DNAH3: variants seen among roughly 807,000 people sequenced by gnomAD.
DNAH3 encodes axonemal beta dynein heavy chain 3.
A neutral mutation model predicts 432.5 loss-of-function variants in DNAH3; 332 were observed. The ratio of observed to expected loss-of-function variants is 0.77; its 90% CI spans 0.70 to 0.84. DNAH3 has a LOEUF of 0.84. Ranked by LOEUF, DNAH3 falls within the 40% of genes least tolerant of loss-of-function variation. The pLI is 0.00. For synonymous variants in DNAH3, 1,956 were observed against 1,900.2 expected (o/e 1.03, Z -0.76); for missense variants, 4,861 against 5,114.0 (o/e 0.95, Z 1.51).
At chr16:21,157,476 C>G (rs1294741138) in intron 1 of DNAH3, among the ~76,000 whole-genome samples, 5 of 151,556 alleles carry the variant, frequency 3.3e-5, no homozygotes, top group Admixed American at 1.3e-4. Context: ...ATTACAGGTG[C>G]GCACCACCAT....
At chr16:21,156,979 A>C (rs938458891) in intron 1 of DNAH3, among the ~76,000 whole-genome samples, 2 of 143,424 alleles carry the variant, frequency 1.4e-5, no homozygotes, top group Admixed American at 7.4e-5. Flanking sequence ...GATGATTGGA[A>C]GGCTGTAATC....
chr16:21,036,897 T>C (rs1403357305), intron 34 of DNAH3, 49 bp from the exon 35 acceptor site: 15 of 1,472,704 alleles, frequency 1.0e-5, no homozygotes, highest in Non-Finnish European at 1.2e-5. Context: ...GTATCAGATA[T>C]ATGACCTCAA....
At chr16:20,968,036 G>A (rs1044826884) in intron 52 of DNAH3, among the ~76,000 whole-genome samples, 1 of 152,160 alleles carries the variant, frequency 6.6e-6, no homozygotes, top group African/African-American at 2.4e-5. Flanking sequence ...GCTAAGCAAT[G>A]GGAAGCAGGA....
At chr16:21,103,561 C>T (rs2091886741) in intron 16 of DNAH3, among the ~76,000 whole-genome samples, 1 of 152,170 alleles carries the variant, frequency 6.6e-6, no homozygotes, top group South Asian at 2.1e-4. Flanking sequence ...CACAAACACA[C>T]ACACACAAAT....
intron 1 of DNAH3, among the ~76,000 whole-genome samples, chr16:21,155,463 A>T (rs1294795793): frequency 6.6e-6 from 1 of 151,816 alleles, no homozygotes; most frequent in African/African-American, 2.4e-5. Context: ...CTCTACTAAA[A>T]ATACAAAAAT....
intron 37 of DNAH3, among the ~76,000 whole-genome samples, chr16:21,028,689 T>G (rs2088706561): frequency 6.6e-6 from 1 of 151,840 alleles, no homozygotes; most frequent in Admixed American, 6.6e-5. Flanking sequence ...CATCAGAATT[T>G]CTAGTGTGTA....
chr16:21,143,158 A>G (rs184627531), intron 3 of DNAH3, among the ~76,000 whole-genome samples: 1 of 152,206 alleles, frequency 6.6e-6, no homozygotes, highest in Admixed American at 6.5e-5. Flanking sequence ...CAATAGCACT[A>G]GTTCTTCACA....
chr16:20,995,239 C>T (rs180757790), intron 44 of DNAH3, among the ~76,000 whole-genome samples: 62 of 151,990 alleles, frequency 4.1e-4, no homozygotes, highest in African/African-American at 1.3e-3. Context: ...AGCCAGAGCC[C>T]GGCCTTTTCT....
At chr16:21,025,320 TCTTA>T (rs912764822) in intron 38 of DNAH3, among the ~76,000 whole-genome samples, 3 of 149,460 alleles carry the variant, frequency 2.0e-5, no homozygotes, top group Non-Finnish European at 4.4e-5. Flanking sequence ...AATATTTTGA[TCTTA>T]CTTTTATTAT....
At chr16:21,125,284 C>A in exon 9 of DNAH3, 1 of 1,613,708 alleles carries the variant, frequency 6.2e-7, no homozygotes, top group Non-Finnish European at 8.5e-7. Context: ...CTCAATGTTT[C>A]GACTTGAGTC....
chr16:21,058,320 G>C, intron 26 of DNAH3, 124 bp from the exon 27 acceptor site: 1 of 553,144 alleles, frequency 1.8e-6, no homozygotes, highest in Non-Finnish European at 3.3e-6. Flanking sequence ...ATCCTCAGAC[G>C]CTACAAGGCT....
intron 1 of DNAH3, among the ~76,000 whole-genome samples, chr16:21,152,633 G>A (rs998664221): frequency 6.6e-6 from 1 of 152,254 alleles, no homozygotes; most frequent in Non-Finnish European, 1.5e-5. Flanking sequence ...TGCGCACGGC[G>A]CTTGCGGGCC....
rs774028697 is a variant in DNAH3 at position 20,975,454 on chromosome 16, C to T, written c.8077-39G>A. 1.4e-5 allele frequency: 22 copies of T among 1,582,010 alleles called. No homozygotes were observed. The Admixed American group carries it at 2.0e-4, about 14-fold the overall frequency. On this transcript the variant is annotated intron_variant, in intron 50 of 61. Coordinates refer to ENST00000261383, the Ensembl canonical transcript of DNAH3. The stretch of plus-strand genomic sequence containing the variant: ...AGGTGGGAGAAATCCAGGGTCAGCA[C>T]TGAAAATGGCAAAGTAGACAAGAAT...
At chr16:20,980,315 TTATAATATATAC>T (rs2085832772) in intron 49 of DNAH3, among the ~76,000 whole-genome samples, 1 of 134,802 alleles carries the variant, frequency 7.4e-6, no homozygotes, top group Non-Finnish European at 1.6e-5. Context: ...ATATTATATA[TTATAATATATAC>T]TATATTATAT....
chr16:21,134,773 G>T (rs546264499), intron 6 of DNAH3, among the ~76,000 whole-genome samples: 4 of 152,106 alleles, frequency 2.6e-5, no homozygotes, highest in Non-Finnish European at 5.9e-5. Context: ...CTCCACCTCC[G>T]CCTCCTAGGT....
chr16:20,985,727 G>C lies in DNAH3; in HGVS notation c.7027-12C>G. The C allele has an allele frequency of 6.2e-7, 1 of 1,607,506 alleles. No homozygotes were observed. Among genetic ancestry groups the C allele is most frequent in the Non-Finnish European group, 8.5e-7 (1 of 1,175,524 alleles). On this transcript the variant is annotated splice_polypyrimidine_tract_variant and intron_variant, in intron 47 of 61. Coordinates refer to ENST00000261383, the Ensembl canonical transcript of DNAH3. ...AAGTGGATAAGCACCTGTAAGAAAA[G>C]TAAATCTCGGCGGGGCATTCAGTGA...
chr16:21,068,623 A>G (rs1315761569), intron 23 of DNAH3, among the ~76,000 whole-genome samples: 1 of 152,194 alleles, frequency 6.6e-6, no homozygotes, highest in Non-Finnish European at 1.5e-5. Context: ...CCAAGGCAGC[A>G]AATTCTATGA....
chr16:21,062,091 T>C (rs2090379643), intron 25 of DNAH3, among the ~76,000 whole-genome samples: 1 of 152,214 alleles, frequency 6.6e-6, no homozygotes, highest in Non-Finnish European at 1.5e-5. Context: ...ATAGCTCTCA[T>C]TGATTCTATG....
intron 49 of DNAH3, among the ~76,000 whole-genome samples, chr16:20,981,324 C>G (rs954365471): frequency 5.3e-5 from 8 of 152,158 alleles, no homozygotes; most frequent in African/African-American, 1.9e-4. Flanking sequence ...CACGTGGACC[C>G]AGGTTAAGGG....
Sources: gnomAD v4.1 joint callset for allele counts (sites outside exome capture counted in the v4.1 genomes callset) on GRCh38, gnomAD v4.1.1 for gene constraint, MANE v1.5 for transcripts, NCBI Gene and HGNC (gene_info 2026-07-23, HGNC 2026-07-21) for gene names.